FMN1: variants seen among roughly 807,000 people sequenced by gnomAD.
FMN1 encodes formin 1.
FMN1 carries 110 observed loss-of-function variants against 132.4 expected under a neutral mutation model. That is an observed-to-expected ratio of 0.83 (90% CI 0.71 to 0.97). The LOEUF is 0.97. Among genes scored for constraint, FMN1 ranks in the 50% least tolerant of loss-of-function variants. FMN1 has a pLI of 0.00. For missense variants in FMN1, 1,792 were observed against 1,705.3 expected, an observed-to-expected ratio of 1.05 and a Z score of -0.90; for synonymous variants, 722 against 651.7, an observed-to-expected ratio of 1.11 and a Z score of -1.64.
intron 20 of FMN1, among the ~76,000 whole-genome samples, chr15:32,775,793 C>G (rs1416174597): frequency 6.6e-6 from 1 of 152,076 alleles, no homozygotes; most frequent in African/African-American, 2.4e-5. Context: ...TAACTTAGAA[C>G]CCATTTATAT....
In FMN1 at chr15:32,951,338, T is replaced by C. The variant is rs1320428297; in HGVS notation, c.3138+12769A>G. ...TAAACTTTTCCTTGCATTGGGTGGT[T>C]TTTTCTTGGTACACACTGAAGGAAT... On this transcript the variant is annotated intron_variant, in intron 9 of 20. Coordinates refer to ENST00000616417, the MANE Select transcript of FMN1 (RefSeq NM_001277313.2). 2.6e-5 allele frequency among the ~76,000 whole-genome samples: 4 copies of C among 152,050 alleles called. No homozygotes were observed. In the East Asian group the frequency reaches 7.7e-4, roughly 29 times the overall value.
intron 17 of FMN1, among the ~76,000 whole-genome samples, chr15:32,820,749 T>A (rs149268883): frequency 1.8e-4 from 27 of 152,360 alleles, no homozygotes; most frequent in African/African-American, 6.3e-4. Context: ...AATTGTTTTG[T>A]CAAACTTTTA....
chr15:32,909,680 T>C (rs1227531669), intron 11 of FMN1, among the ~76,000 whole-genome samples: 3 of 152,200 alleles, frequency 2.0e-5, no homozygotes, highest in Non-Finnish European at 4.4e-5. Context: ...CAATCTATGT[T>C]TTTGTAGCCT....
chr15:32,782,676 A>C (rs1287120481), intron 19 of FMN1, among the ~76,000 whole-genome samples: 1 of 152,212 alleles, frequency 6.6e-6, no homozygotes, highest in African/African-American at 2.4e-5. Context: ...CTGGTTAGAC[A>C]GTTTCTAGCT....
At chr15:33,123,234 T>C (rs967711876) in intron 4 of FMN1, among the ~76,000 whole-genome samples, 1 of 151,990 alleles carries the variant, frequency 6.6e-6, no homozygotes, top group Non-Finnish European at 1.5e-5. Flanking sequence ...CCTTCCTTTT[T>C]CTAACTTATT....
At chr15:32,934,817 G>C (rs1028600086) in intron 9 of FMN1, among the ~76,000 whole-genome samples, 4 of 151,890 alleles carry the variant, frequency 2.6e-5, no homozygotes, top group African/African-American at 9.7e-5. Flanking sequence ...ATGTGGGCCA[G>C]GCTGGTCTCA....
chr15:33,105,828 G>A (rs1038225876), intron 4 of FMN1: 1 of 151,840 alleles, frequency 6.6e-6, no homozygotes, highest in South Asian at 2.1e-4. Flanking sequence ...AAACTTCTCA[G>A]CAACGACTCA....
chr15:33,015,128 T>C (rs748906744), intron 6 of FMN1, among the ~76,000 whole-genome samples: 1 of 152,244 alleles, frequency 6.6e-6, no homozygotes, highest in Non-Finnish European at 1.5e-5. Flanking sequence ...GAACGTGTGC[T>C]GGCTCTGCAG....
intron 6 of FMN1, among the ~76,000 whole-genome samples, chr15:33,015,501 C>T (rs1261797106): frequency 6.6e-6 from 1 of 152,066 alleles, no homozygotes; most frequent in Non-Finnish European, 1.5e-5. Context: ...CACATATATC[C>T]AAGCCTCCAC....
At chr15:32,855,157 TAAAAAA>T (rs750275479) in intron 17 of FMN1, among the ~76,000 whole-genome samples, 8 of 85,506 alleles carry the variant, frequency 9.4e-5, no homozygotes, top group African/African-American at 2.4e-4. Flanking sequence ...ACGTGGAGAG[TAAAAAA>T]AAAAAAAAAA....
rs184803903 is a variant in FMN1 at position 33,164,297 on chromosome 15, G to A, written c.-131-9252C>T. ...AGTTTCGGAGGCAAAATTCTTTCCT[G>A]TGAAACTATGATTTGACTGTGAGAC... is the stretch of plus-strand genomic sequence containing the variant. On this transcript the variant is annotated intron_variant, in intron 3 of 20. Transcript: ENST00000616417. 8.9e-4 allele frequency among the ~76,000 whole-genome samples: 135 copies of A among 152,292 alleles called. 1 individual carries two copies. The highest frequency in any genetic ancestry group is 3.1e-3 in the African/African-American group (128 of 41,568).
At chr15:32,841,860 G>C (rs2058752284) in intron 17 of FMN1, among the ~76,000 whole-genome samples, 1 of 152,124 alleles carries the variant, frequency 6.6e-6, no homozygotes, top group Non-Finnish European at 1.5e-5. Context: ...TTTTCCTAGG[G>C]CAAGCACAAA....
intron 17 of FMN1, among the ~76,000 whole-genome samples, chr15:32,848,976 T>G (rs148800960): frequency 0.03 from 3,062 of 103,164 alleles, 125 homozygotes; most frequent in African/African-American, 0.15. Context: ...AGTTCTCTTT[T>G]GTTTTTTTTT....
intron 7 of FMN1, among the ~76,000 whole-genome samples, chr15:33,006,625 A>T (rs2034432092): frequency 6.6e-6 from 1 of 152,232 alleles, no homozygotes; most frequent in African/African-American, 2.4e-5. Context: ...AAGCCAAGAT[A>T]TGGAATCAAC....
At chr15:32,784,913 T>C (rs1487945288) in intron 19 of FMN1, among the ~76,000 whole-genome samples, 10 of 152,156 alleles carry the variant, frequency 6.6e-5, no homozygotes, top group African/African-American at 1.4e-4. Flanking sequence ...TTTGCCTCCT[T>C]TGCTTTTAAT....
At chr15:33,033,607 C>T (rs2036048259) in intron 6 of FMN1, among the ~76,000 whole-genome samples, 1 of 152,048 alleles carries the variant, frequency 6.6e-6, no homozygotes, top group Non-Finnish European at 1.5e-5. Flanking sequence ...ATTTTTTCCA[C>T]CTTAATTAAA....
chr15:32,845,532 G>A (rs1189890402), intron 17 of FMN1, among the ~76,000 whole-genome samples: 1 of 152,158 alleles, frequency 6.6e-6, no homozygotes, highest in Non-Finnish European at 1.5e-5. Flanking sequence ...AAGAAACCAA[G>A]TGGTTCTCTA....
chr15:33,081,603 C>A (rs566675782), intron 5 of FMN1, among the ~76,000 whole-genome samples: 107 of 152,282 alleles, frequency 7.0e-4, no homozygotes, highest in Non-Finnish European at 1.2e-3. Context: ...AATCCCCATC[C>A]ATTAAATGAA....
Position 32,771,265 on chromosome 15 carries a change from A to C in FMN1, c.*3045T>G, listed in dbSNP as rs2056231389. 6.6e-6 allele frequency: 1 copy of C among 151,454 alleles called. No individual in the cohort carries two copies. Among genetic ancestry groups the C allele is most frequent in the Admixed American group, 6.6e-5 (1 of 15,228 alleles). The allele number at this position is 151,454 out of a possible 1,614,324, so 9.4% of individuals were successfully genotyped here. A position where few individuals can be genotyped will look rare whatever the true frequency, so the allele number is the denominator to read the frequency against. ...GGCTAATTTTTTGTATTTTTAGTAG[A>C]GATGGGGTTTCACCGTGTTAGCCAG... On this transcript the variant is annotated 3_prime_UTR_variant, in exon 21 of 21. Coordinates refer to ENST00000616417, the MANE Select transcript of FMN1 (RefSeq NM_001277313.2).
Sources: allele counts gnomAD v4.1 joint callset (sites outside exome capture counted in the v4.1 genomes callset), GRCh38; gene constraint gnomAD v4.1.1; transcripts MANE v1.5; gene names NCBI Gene and HGNC (gene_info 2026-07-23, HGNC 2026-07-21).